CCDC15: variants seen among roughly 807,000 people sequenced by gnomAD.
CCDC15 encodes the protein coiled-coil domain containing 15, also known as coiled-coil domain-containing protein 15.
A neutral mutation model predicts 114.5 loss-of-function variants in CCDC15; 105 were observed. That is an observed-to-expected ratio of 0.92 (90% CI 0.78 to 1.08). The LOEUF is 1.08. Ranked by LOEUF, CCDC15 falls within the 50% of genes least tolerant of loss-of-function variation. CCDC15 has a pLI of 0.00. For synonymous variants in CCDC15, 334 were observed against 377.8 expected (o/e 0.88, Z 1.34); for missense variants, 1,105 against 1,093.6 (o/e 1.01, Z -0.15).
intron 6 of CCDC15, among the ~76,000 whole-genome samples, chr11:124,979,822 G>A: frequency 6.6e-6 from 1 of 152,160 alleles, no homozygotes; most frequent in Non-Finnish European, 1.5e-5. Flanking sequence ...GGAATGATGA[G>A]AGAGGACATC....
chr11:125,022,841 C>T (rs910841285), intron 13 of CCDC15, among the ~76,000 whole-genome samples: 3 of 151,856 alleles, frequency 2.0e-5, no homozygotes, highest in Non-Finnish European at 4.4e-5. Flanking sequence ...TATTCTAGAA[C>T]TCAGTTATGA....
At chr11:124,977,680 G>A (rs1178213196) in intron 6 of CCDC15, 80 bp downstream of exon 6, 2 of 1,367,490 alleles carry the variant, frequency 1.5e-6, no homozygotes, top group Non-Finnish European at 9.8e-7. Context: ...GGGATAAAGG[G>A]TTAAGATATC....
intron 5 of CCDC15, among the ~76,000 whole-genome samples, chr11:124,977,026 G>A (rs1199183853): frequency 6.6e-6 from 1 of 152,064 alleles, no homozygotes; most frequent in East Asian, 1.9e-4. Flanking sequence ...TACCTTCTTA[G>A]TTGTGTGAAG....
At chr11:124,997,811 A>G (rs954369800) in intron 11 of CCDC15, among the ~76,000 whole-genome samples, 2 of 152,140 alleles carry the variant, frequency 1.3e-5, no homozygotes, top group Non-Finnish European at 2.9e-5. Flanking sequence ...GCATGGTGGC[A>G]TGCACCTGTA....
At chr11:125,027,768 G>A (rs1293972703) in intron 13 of CCDC15, among the ~76,000 whole-genome samples, 1 of 149,700 alleles carries the variant, frequency 6.7e-6, no homozygotes, top group African/African-American at 2.5e-5. Context: ...TTTTGTTTTT[G>A]TTGCATTTGC....
At chr11:124,954,550 T>TA (rs1947514029) in intron 1 of CCDC15, among the ~76,000 whole-genome samples, 174 bp from the exon 2 acceptor site, 1 of 152,204 alleles carries the variant, frequency 6.6e-6, no homozygotes, top group South Asian at 2.1e-4. Flanking sequence ...TTCTTCCCAT[T>TA]TCTCTTCCCT....
At position 124,959,891 on chromosome 11, in the gene CCDC15, A is replaced by G. The variant is rs778499251; in HGVS notation, c.404A>G (p.Asn135Ser). 4 of 1,594,406 alleles carry G rather than the reference A, an allele frequency of 2.5e-6. No individual in the cohort carries two copies. Among genetic ancestry groups the G allele is most frequent in the Non-Finnish European group, 3.4e-6 (4 of 1,169,066 alleles). Residue 135 changes from asparagine to serine, a missense_variant, in exon 4 of 16, where the codon AAC becomes AGC. Physicochemically the swap from Asn to Ser is conservative, Grantham distance 46. Coordinates refer to ENST00000344762, the MANE Select transcript of CCDC15 (RefSeq NM_025004.3). ...LTSKRTSVFP[N>S]NLNVAIGSSR... ...TCCAAAAGGACAAGTGTTTTTCCAA[A>G]CAATTTGAATGTTGCTATTGGAAGT...
intron 13 of CCDC15, among the ~76,000 whole-genome samples, chr11:125,018,582 G>T (rs1260232934): frequency 3.9e-5 from 6 of 152,046 alleles, no homozygotes; most frequent in Non-Finnish European, 8.8e-5. Flanking sequence ...CCTACCGGCT[G>T]TGTGACTTTG....
At chr11:124,956,443 GA>G (rs1013536953) in intron 2 of CCDC15, among the ~76,000 whole-genome samples, 15 of 145,856 alleles carry the variant, frequency 1.0e-4, no homozygotes, top group East Asian at 6.0e-4. Context: ...CCCATCTCTG[GA>G]AAAAAAAAAG....
rs370570593 is a variant in CCDC15 at position 125,005,136 on chromosome 11, C to T, written c.2335C>T (p.Arg779Ter). The T allele has an allele frequency of 5.8e-5, 91 of 1,555,744 alleles. No homozygotes were observed. The highest frequency in any genetic ancestry group is 6.8e-5 in the African/African-American group (5 of 73,260). ...ERQKQYLRHRRLFMDIEREQV... is the reference protein window; with the variant it reads ...ERQKQYLRHR ...TCAAAAGCAGTACCTGAGACATAGA[C>T]GACTTTTCATGGATATTGAGAGAGA... The change falls in exon 13 of 16, where the codon CGA becomes TGA. Residue 779 changes from arginine to a stop codon, truncating the protein, a stop_gained. Coordinates refer to ENST00000344762, the MANE Select transcript of CCDC15 (RefSeq NM_025004.3). LOFTEE classifies it high-confidence loss of function.
intron 13 of CCDC15, among the ~76,000 whole-genome samples, chr11:125,016,411 T>A (rs955222648): frequency 3.3e-5 from 5 of 152,000 alleles, no homozygotes; most frequent in African/African-American, 1.2e-4. Flanking sequence ...AAAAAAAAAA[T>A]CTTTATCAAG....
At chr11:125,024,777 G>A (rs1948684165) in intron 13 of CCDC15, among the ~76,000 whole-genome samples, 1 of 151,620 alleles carries the variant, frequency 6.6e-6, no homozygotes, top group Admixed American at 6.6e-5. Flanking sequence ...TGTTTCTTTT[G>A]CTTGCCAGCT....
At chr11:125,029,410 A>G (rs1948724099) in intron 13 of CCDC15, among the ~76,000 whole-genome samples, 1 of 152,234 alleles carries the variant, frequency 6.6e-6, no homozygotes, top group African/African-American at 2.4e-5. Context: ...TATTCTTCAT[A>G]CAACCGGAAA....
In CCDC15 at chr11:125,030,148, G is replaced by A. The variant is rs576277272; in HGVS notation, c.2412-8283G>A. On this transcript the variant is annotated intron_variant, in intron 13 of 15. Transcript: ENST00000344762. ...TTGCTAGTGGATCACTATGGGTGAT[G>A]GTGAGTGGTGCTACTTCCACCCCTT... Among the ~76,000 whole-genome samples, 5 of 152,292 alleles carry A rather than the reference G, an allele frequency of 3.3e-5. No individual in the cohort carries two copies. In the South Asian group the frequency reaches 1.0e-3, roughly 32 times the overall value.
rs1187552105 is a variant in CCDC15 at position 125,041,399 on chromosome 11, A to C, written c.*688A>C. ...AAAAAGTGAATCTGAAGTCAAAGTGAGTAAATTCCTTATTTCCCTATTTTT... is the reference window on the plus strand; with the variant it reads ...AAAAAGTGAATCTGAAGTCAAAGTGCGTAAATTCCTTATTTCCCTATTTTT... On this transcript the variant is annotated 3_prime_UTR_variant, in exon 16 of 16. Coordinates refer to ENST00000344762, the MANE Select transcript of CCDC15 (RefSeq NM_025004.3). The C allele has an allele frequency of 6.6e-6, 1 of 152,266 alleles. No individual in the cohort carries two copies. The highest frequency in any genetic ancestry group is 2.4e-5 in the African/African-American group (1 of 41,560). The allele number at this position is 152,266 out of a possible 1,614,324, so 9.4% of individuals were successfully genotyped here.
intron 4 of CCDC15, among the ~76,000 whole-genome samples, chr11:124,968,492 A>G (rs899800355): frequency 7.2e-5 from 11 of 152,248 alleles, no homozygotes; most frequent in Middle Eastern, 3.4e-3. Context: ...TTGGTGTGCC[A>G]TTTGCTAAGA....
At chr11:124,982,372 T>C (rs900712957) in intron 6 of CCDC15, among the ~76,000 whole-genome samples, 1 of 152,236 alleles carries the variant, frequency 6.6e-6, no homozygotes, top group Non-Finnish European at 1.5e-5. Context: ...ATGTGGTTGC[T>C]TTATAGTATC....
At chr11:125,015,562 C>T (rs929707921) in intron 13 of CCDC15, among the ~76,000 whole-genome samples, 1 of 152,226 alleles carries the variant, frequency 6.6e-6, no homozygotes, top group East Asian at 1.9e-4. Context: ...AATCCCGTAT[C>T]ACTGAAAGAA....
chr11:124,999,190 A>G (rs1284138074), intron 11 of CCDC15, among the ~76,000 whole-genome samples: 1 of 152,068 alleles, frequency 6.6e-6, no homozygotes, highest in Non-Finnish European at 1.5e-5. Flanking sequence ...CTACTTTCAA[A>G]ACTCTTGTTA....
Sources: gnomAD v4.1 joint callset for allele counts (sites outside exome capture counted in the v4.1 genomes callset) on GRCh38, gnomAD v4.1.1 for gene constraint, MANE v1.5 for transcripts, NCBI Gene and HGNC (gene_info 2026-07-23, HGNC 2026-07-21) for gene names.